Variants in SLC10A7 observed in about 807,000 individuals in gnomAD.
SLC10A7 encodes the protein sodium/bile acid cotransporter 7.
SLC10A7 carries 29 observed loss-of-function variants against 43.2 expected under a neutral mutation model. The observed-to-expected ratio is 0.67, with a 90% CI of 0.50 to 0.92. The LOEUF is 0.92. SLC10A7 is among the 40% of genes least tolerant of loss of function. The pLI is 0.00. For missense variants in SLC10A7, 295 were observed against 403.2 expected, an observed-to-expected ratio of 0.73 and a Z score of 2.30; for synonymous variants, 152 against 144.8, an observed-to-expected ratio of 1.05 and a Z score of -0.35.
chr4:146,520,271 A>G lies in SLC10A7; in HGVS notation c.100+1347T>C, dbSNP rs576474761. Among the ~76,000 whole-genome samples the G allele has an allele frequency of 6.6e-4, 100 of 152,142 alleles. No individual in the cohort carries two copies. The South Asian group carries it at 0.01, about 16-fold the overall frequency. On this transcript the variant is annotated intron_variant, in intron 1 of 11. Coordinates refer to ENST00000335472, the MANE Select transcript of SLC10A7 (RefSeq NM_001029998.6). Reference sequence around the variant, plus strand: ...TTACTATTCATTTAGCTCCGGGGATAGGGGGTCTTCATTTGACAGACCTGA... The same window carrying G: ...TTACTATTCATTTAGCTCCGGGGATGGGGGGTCTTCATTTGACAGACCTGA...
At chr4:146,422,112 T>C (rs1729005928) in intron 5 of SLC10A7, among the ~76,000 whole-genome samples, 1 of 152,130 alleles carries the variant, frequency 6.6e-6, no homozygotes, top group African/African-American at 2.4e-5. Context: ...GCTTTCAGTA[T>C]TGAAAAGAGC....
At chr4:146,403,679 G>C (rs918737344) in intron 5 of SLC10A7, among the ~76,000 whole-genome samples, 1 of 152,248 alleles carries the variant, frequency 6.6e-6, no homozygotes, top group Middle Eastern at 3.4e-3. Context: ...GATCCAAAAA[G>C]AGCAAGCTGA....
intron 5 of SLC10A7, among the ~76,000 whole-genome samples, chr4:146,426,828 T>C (rs567916821): frequency 6.6e-6 from 1 of 152,204 alleles, no homozygotes; most frequent in South Asian, 2.1e-4. Context: ...TGAGCCAAGA[T>C]AGCTCCACTG....
chr4:146,379,070 T>C (rs942818639), intron 5 of SLC10A7, among the ~76,000 whole-genome samples: 1 of 152,194 alleles, frequency 6.6e-6, no homozygotes, highest in Non-Finnish European at 1.5e-5. Context: ...ACTTCTGACC[T>C]CAATGTCCAC....
At chr4:146,400,852 A>G (rs970532640) in intron 5 of SLC10A7, among the ~76,000 whole-genome samples, 1 of 152,246 alleles carries the variant, frequency 6.6e-6, no homozygotes, top group African/African-American at 2.4e-5. Flanking sequence ...TCTTGCAGAC[A>G]TGAAAAGAAG....
At chr4:146,492,441 C>T (rs1216612509) in intron 4 of SLC10A7, among the ~76,000 whole-genome samples, 1 of 152,040 alleles carries the variant, frequency 6.6e-6, no homozygotes, top group Non-Finnish European at 1.5e-5. Context: ...AATCTTGGCT[C>T]ACTACAACCT....
At position 146,305,845 on chromosome 4, in the gene SLC10A7, T is replaced by G. The variant is rs1257898634; in HGVS notation, c.555+81A>C. ...TTTATCTCCTCCCTCTGAATATCCT[T>G]TCTCTCAACTGCTCTGACATTATGT... On this transcript the variant is annotated intron_variant, in intron 7 of 11. Coordinates refer to ENST00000335472, the MANE Select transcript of SLC10A7 (RefSeq NM_001029998.6). 2.9e-5 allele frequency: 36 copies of G among 1,232,222 alleles called. 1 individual carries two copies. Among genetic ancestry groups the G allele is most frequent in the Non-Finnish European group, 4.5e-6 (4 of 889,328 alleles). 76.3% of individuals were successfully genotyped at this position (1,232,222 alleles called of 1,614,324 possible). A position where few individuals can be genotyped will look rare whatever the true frequency, so the allele number is the denominator to read the frequency against.
At chr4:146,268,838 T>A (rs1728722540) in intron 10 of SLC10A7, among the ~76,000 whole-genome samples, 1 of 152,138 alleles carries the variant, frequency 6.6e-6, no homozygotes, top group Non-Finnish European at 1.5e-5. Flanking sequence ...CTGAAAAGAA[T>A]TTGTCAGGGT....
chr4:146,266,447 G>GCA (rs1273052582), intron 10 of SLC10A7, among the ~76,000 whole-genome samples: 1 of 150,898 alleles, frequency 6.6e-6, no homozygotes, highest in Non-Finnish European at 1.5e-5. Flanking sequence ...ACACATGCAC[G>GCA]CACACACACA....
At chr4:146,494,368 C>T (rs1163089456) in intron 4 of SLC10A7, among the ~76,000 whole-genome samples, 2 of 152,158 alleles carry the variant, frequency 1.3e-5, no homozygotes, top group Admixed American at 1.3e-4. Flanking sequence ...GCATGTTAAG[C>T]TGGAGTTACG....
chr4:146,457,510 C>T (rs1400049079), intron 4 of SLC10A7, among the ~76,000 whole-genome samples: 1 of 151,832 alleles, frequency 6.6e-6, no homozygotes, highest in African/African-American at 2.4e-5. Flanking sequence ...TAACCATCCC[C>T]TCATCGCCCC....
At chr4:146,303,009 C>G (rs568468902) in intron 7 of SLC10A7, among the ~76,000 whole-genome samples, 1 of 152,308 alleles carries the variant, frequency 6.6e-6, no homozygotes, top group Admixed American at 6.5e-5. Context: ...AGCAGAGTTC[C>G]TCTTCGGGAC....
chr4:146,481,537 T>C (rs571640557), intron 4 of SLC10A7, among the ~76,000 whole-genome samples: 69 of 152,280 alleles, frequency 4.5e-4, no homozygotes, highest in African/African-American at 1.6e-3. Context: ...AGGTCCCAAA[T>C]TGCAGCTGTG....
chr4:146,286,938 A>G (rs1730033472), intron 9 of SLC10A7, among the ~76,000 whole-genome samples: 1 of 119,022 alleles, frequency 8.4e-6, no homozygotes, highest in African/African-American at 3.3e-5. Flanking sequence ...GAAAGACTGA[A>G]CTTGGAGTGG....
chr4:146,276,459 AC>A (rs1396434666), intron 10 of SLC10A7, among the ~76,000 whole-genome samples: 2 of 152,226 alleles, frequency 1.3e-5, no homozygotes, highest in African/African-American at 4.8e-5. Context: ...CACAATGTTT[AC>A]CTATTAAATG....
intron 9 of SLC10A7, among the ~76,000 whole-genome samples, chr4:146,286,636 AGTGGTGAGAAGGACCG>A (rs1475326433): frequency 6.8e-5 from 10 of 146,592 alleles, no homozygotes; most frequent in South Asian, 4.4e-4. Flanking sequence ...CCGTGTCTGG[AGTGGTGAGAAGGACCG>A]TGTCTGGAGT....
chr4:146,375,116 G>A (rs1737097542), intron 5 of SLC10A7, among the ~76,000 whole-genome samples: 1 of 152,172 alleles, frequency 6.6e-6, no homozygotes. Flanking sequence ...TGAGGCAGGA[G>A]AGTCACTTGA....
At position 146,442,778 on chromosome 4, in the gene SLC10A7, C is replaced by T; in HGVS notation, c.435+5G>A. ...TAATAGACAAGTTAAACTATGTTTACTTACCAAAAAACTTCCAAAGGCTGA... is the reference window on the plus strand; with the variant it reads ...TAATAGACAAGTTAAACTATGTTTATTTACCAAAAAACTTCCAAAGGCTGA... On this transcript the variant is annotated splice_donor_5th_base_variant and intron_variant, in intron 5 of 11. Coordinates refer to ENST00000335472, the MANE Select transcript of SLC10A7 (RefSeq NM_001029998.6). 6.2e-7 allele frequency: 1 copy of T among 1,603,540 alleles called. No individual in the cohort carries two copies. The highest frequency in any genetic ancestry group is 8.5e-7 in the Non-Finnish European group (1 of 1,176,920).
chr4:146,319,853 T>C (rs1732577258), intron 6 of SLC10A7, among the ~76,000 whole-genome samples: 1 of 152,062 alleles, frequency 6.6e-6, no homozygotes, highest in African/African-American at 2.4e-5. Context: ...GTATGAATCA[T>C]ATCATTAAGT....
Sources: allele counts gnomAD v4.1 joint callset (sites outside exome capture counted in the v4.1 genomes callset), GRCh38; gene constraint gnomAD v4.1.1; transcripts MANE v1.5; gene names NCBI Gene and HGNC (gene_info 2026-07-23, HGNC 2026-07-21).